The following RBL1 variants were observed in gnomAD, a reference collection of about 807,000 sequenced individuals.
The protein encoded by RBL1 is retinoblastoma-like protein 1.
Under a neutral mutation model 123.0 loss-of-function variants are expected in RBL1, and 82 were observed. The ratio of observed to expected loss-of-function variants is 0.67; its 90% CI spans 0.56 to 0.80. The LOEUF (loss-of-function observed/expected upper bound fraction) is 0.80. RBL1 is among the 30% of genes least tolerant of loss of function. The probability of loss-of-function intolerance (pLI) is 0.00; values close to 1 mark genes in which losing one functional copy is unlikely to be tolerated. For missense variants in RBL1, 1,171 were observed against 1,299.6 expected, an observed-to-expected ratio of 0.90 and a Z score of 1.52; for synonymous variants, 405 against 441.3, an observed-to-expected ratio of 0.92 and a Z score of 1.03.
At chr20:37,069,212 C>T (rs2065237382) in intron 2 of RBL1, among the ~76,000 whole-genome samples, 1 of 152,234 alleles carries the variant, frequency 6.6e-6, no homozygotes, top group Non-Finnish European at 1.5e-5. Flanking sequence ...CAGCCGCCTG[C>T]CTTGGCCTCC....
chr20:37,010,457 G>A (rs1443646559), intron 19 of RBL1, among the ~76,000 whole-genome samples: 2 of 152,062 alleles, frequency 1.3e-5, no homozygotes, highest in East Asian at 1.9e-4. Flanking sequence ...TCTCAGAAAT[G>A]CATTGTTGAA....
intron 13 of RBL1, among the ~76,000 whole-genome samples, chr20:37,041,222 G>C (rs2146261885): frequency 6.6e-6 from 1 of 152,104 alleles, no homozygotes. Flanking sequence ...AAGAATAACA[G>C]AAGTAGACAA....
chr20:37,086,171 A>G (rs2146332278), intron 2 of RBL1, among the ~76,000 whole-genome samples: 1 of 152,342 alleles, frequency 6.6e-6, no homozygotes, highest in Admixed American at 6.5e-5. Context: ...CATTGACAGA[A>G]AAAGATCAGA....
chr20:37,072,116 G>A (rs1371406432), intron 2 of RBL1, among the ~76,000 whole-genome samples: 1 of 152,174 alleles, frequency 6.6e-6, no homozygotes, highest in Non-Finnish European at 1.5e-5. Context: ...AAATTTGTCA[G>A]ATTACTAAAT....
chr20:37,095,707 A>C, intron 1 of RBL1, 66 bp downstream of exon 1: 1 of 1,419,548 alleles, frequency 7.0e-7, no homozygotes, highest in African/African-American at 1.4e-5. Context: ...TAGGCCGAGG[A>C]AGGGGCGGGG....
intron 21 of RBL1, among the ~76,000 whole-genome samples, chr20:37,001,026 G>T (rs1283370280): frequency 1.4e-5 from 2 of 142,082 alleles, no homozygotes; most frequent in African/African-American, 2.6e-5. Context: ...AGGGAGGTGG[G>T]GGGGGTCAGC....
At chr20:37,013,463 G>A (rs1162298169) in intron 19 of RBL1, among the ~76,000 whole-genome samples, 4 of 151,472 alleles carry the variant, frequency 2.6e-5, no homozygotes, top group Non-Finnish European at 4.4e-5. Context: ...GAAGGCCGCA[G>A]GGTCCTCTGC....
chr20:36,998,687 G>T lies in RBL1; in HGVS notation c.*72C>A. 7.2e-7 allele frequency: 1 copy of T among 1,396,490 alleles called. No individual in the cohort carries two copies. Among genetic ancestry groups the T allele is most frequent in the Non-Finnish European group, 9.7e-7 (1 of 1,026,092 alleles). The allele number at this position is 1,396,490 out of a possible 1,614,324, so 86.5% of individuals were successfully genotyped here. Reference sequence around the variant, plus strand: ...TATTTATCATCTATAGGGCTAAAAGGTTTGAAGGACAGAGCTCCAACTTTC... The same window carrying T: ...TATTTATCATCTATAGGGCTAAAAGTTTTGAAGGACAGAGCTCCAACTTTC... On this transcript the variant is annotated 3_prime_UTR_variant, in exon 22 of 22. Coordinates refer to ENST00000373664, the MANE Select transcript of RBL1 (RefSeq NM_002895.5).
rs2063910835 is a variant in RBL1, at chr20:36,998,307, A to T, written c.*452T>A. ...CAGTGGCGCAACCTTGGCTCACCAC[A>T]ACCTCCGCTTCCTGGGTTCAAGCAA... On this transcript the variant is annotated 3_prime_UTR_variant, in exon 22 of 22. Transcript: ENST00000373664. The T allele has an allele frequency of 6.6e-6, 1 of 152,426 alleles. No individual in the cohort carries two copies. Among genetic ancestry groups the T allele is most frequent in the African/African-American group, 2.4e-5 (1 of 41,406 alleles). 9.4% of individuals were successfully genotyped at this position (152,426 alleles called of 1,614,324 possible).
At chr20:37,012,550 G>T (rs2064172592) in intron 19 of RBL1, among the ~76,000 whole-genome samples, 1 of 151,180 alleles carries the variant, frequency 6.6e-6, no homozygotes. Flanking sequence ...CCTCTACCCG[G>T]CCGCGACCCC....
Position 37,062,243 on chromosome 20 carries a change from C to T in RBL1, c.924G>A (p.Glu308=), listed in dbSNP as rs151227043. 9.3e-6 allele frequency: 15 copies of T among 1,614,006 alleles called. No individual in the cohort carries two copies. Among genetic ancestry groups the T allele is most frequent in the Non-Finnish European group, 1.2e-5 (14 of 1,180,034 alleles). The change falls in exon 8 of 22, where the codon GAG becomes GAA. Residue 308 remains glutamate (E), a synonymous_variant. Transcript: ENST00000373664. ...NSKAVNKEYE[E]YVLTVGDFDE... is the part of the protein sequence containing the mutation. ...CAAAATCACCAACAGTTAGAACATACTCTTCATACTCCTTATTCACTGCTT... is the reference window on the plus strand; with the variant it reads ...CAAAATCACCAACAGTTAGAACATATTCTTCATACTCCTTATTCACTGCTT...
chr20:37,055,671 C>G lies in RBL1; in HGVS notation c.1364-15G>C. 3 of 1,586,656 alleles carry G rather than the reference C, an allele frequency of 1.9e-6. No homozygotes were observed. The highest frequency in any genetic ancestry group is 2.6e-6 in the Non-Finnish European group (3 of 1,168,784). ...TACAGCAAAGTCTATCAGGGAAATACAGAGAAAACATGTGTTAATGAATTT... is the reference window on the plus strand; with the variant it reads ...TACAGCAAAGTCTATCAGGGAAATAGAGAGAAAACATGTGTTAATGAATTT... On this transcript the variant is annotated splice_polypyrimidine_tract_variant and intron_variant, in intron 10 of 21. Coordinates refer to ENST00000373664, the MANE Select transcript of RBL1 (RefSeq NM_002895.5).
At chr20:37,028,364 AAAAT>A (rs1268408738) in intron 16 of RBL1, among the ~76,000 whole-genome samples, 1 of 151,938 alleles carries the variant, frequency 6.6e-6, no homozygotes, top group African/African-American at 2.4e-5. Context: ...GACTGTCTCA[AAAAT>A]AAATAAATAA....
intron 19 of RBL1, among the ~76,000 whole-genome samples, 172 bp from the exon 20 acceptor site, chr20:37,007,731 C>A (rs1422790223): frequency 6.6e-6 from 1 of 151,988 alleles, no homozygotes; most frequent in East Asian, 1.9e-4. Flanking sequence ...TAGCTGGGAC[C>A]ACAGGCACGT....
At chr20:37,080,920 G>T (rs1179028448) in intron 2 of RBL1, among the ~76,000 whole-genome samples, 1 of 152,196 alleles carries the variant, frequency 6.6e-6, no homozygotes. Context: ...TTGAGGCTAA[G>T]AAGTCAAGCC....
intron 2 of RBL1, among the ~76,000 whole-genome samples, chr20:37,068,850 C>CCCACGGTCTCCCTCTCCCTCTCTTT (rs1416912335): frequency 2.0e-5 from 3 of 152,174 alleles, no homozygotes; most frequent in Middle Eastern, 3.2e-3. Context: ...TCTCCCTCTC[C>CCCACGGTCTCCCTCTCCCTCTCTTT]CCACGGTCTC....
rs1422197932 is a variant in RBL1 at position 37,027,396 on chromosome 20, AC to A, written c.2383-4571del. On this transcript the variant is annotated intron_variant, in intron 16 of 21. Transcript: ENST00000373664. Reference sequence around the variant, plus strand: ...GAAATACACTTAAATTTGCCTGTAGACCCAGGTACTCGGAGGGTAATGAAAG... The same window carrying A: ...GAAATACACTTAAATTTGCCTGTAGACCAGGTACTCGGAGGGTAATGAAAG... Among the ~76,000 whole-genome samples the A allele has an allele frequency of 2.0e-5, 3 of 152,082 alleles. No homozygotes were observed. The East Asian group carries it at 5.8e-4, about 29-fold the overall frequency.
intron 19 of RBL1, among the ~76,000 whole-genome samples, chr20:37,009,339 T>C (rs996487312): frequency 6.6e-6 from 1 of 152,190 alleles, no homozygotes; most frequent in Non-Finnish European, 1.5e-5. Context: ...AAAACACTTA[T>C]ACTACCATTC....
chr20:37,002,912 C>A (rs1048057992), intron 21 of RBL1, among the ~76,000 whole-genome samples: 3 of 151,572 alleles, frequency 2.0e-5, no homozygotes, highest in African/African-American at 7.3e-5. Flanking sequence ...TTAGTAAAGA[C>A]GGGGTTTCAC....
Sources: gnomAD v4.1 joint callset for allele counts (sites outside exome capture counted in the v4.1 genomes callset) on GRCh38, gnomAD v4.1.1 for gene constraint, MANE v1.5 for transcripts, NCBI Gene and HGNC (gene_info 2026-07-23, HGNC 2026-07-21) for gene names.